The following PCDH15 variants were observed in gnomAD, a reference collection of about 807,000 sequenced individuals.
The protein encoded by PCDH15 is protocadherin related 15, also known as protocadherin-15.
PCDH15 carries 129 observed loss-of-function variants against 178.5 expected under a neutral mutation model. The ratio of observed to expected loss-of-function variants is 0.72; its 90% CI spans 0.63 to 0.84. The LOEUF is 0.84. Ranked by LOEUF, PCDH15 falls within the 40% of genes least tolerant of loss-of-function variation. PCDH15 has a pLI of 0.00. For synonymous variants in PCDH15, 800 were observed against 732.0 expected, an observed-to-expected ratio of 1.09 and a Z score of -1.50; for missense variants, 2,230 against 2,099.9, an observed-to-expected ratio of 1.06 and a Z score of -1.21.
chr10:54,726,809 C>A (rs1591310067), intron 1 of PCDH15, among the ~76,000 whole-genome samples: 1 of 150,256 alleles, frequency 6.7e-6, no homozygotes. Flanking sequence ...AATCTCAGAG[C>A]TCTAAGACTG....
chr10:54,995,378 C>T (rs1406374531), intron 2 of PCDH15, among the ~76,000 whole-genome samples: 29 of 115,938 alleles, frequency 2.5e-4, no homozygotes, highest in East Asian at 1.2e-3. Context: ...TACGACAGAG[C>T]GAGACTCCGT....
In PCDH15 at chr10:53,804,100, T is replaced by C. The variant is rs933306911; in HGVS notation, c.*2479A>G. The C allele has an allele frequency of 1.1e-4, 16 of 151,962 alleles. No individual in the cohort carries two copies. The highest frequency in any genetic ancestry group is 1.6e-4 in the Non-Finnish European group (11 of 67,878). 9.4% of individuals were successfully genotyped at this position (151,962 alleles called of 1,614,324 possible). A position where few individuals can be genotyped will look rare whatever the true frequency, so the allele number is the denominator to read the frequency against. ...TTTATTTAGTTAGTAATAATTTTGCTGCTCTACGTTACCCAAAAATATACT... is the reference window on the plus strand; with the variant it reads ...TTTATTTAGTTAGTAATAATTTTGCCGCTCTACGTTACCCAAAAATATACT... On this transcript the variant is annotated 3_prime_UTR_variant, in exon 38 of 38. Transcript: ENST00000644397.
intron 2 of PCDH15, among the ~76,000 whole-genome samples, chr10:55,402,703 A>G (rs745991123): frequency 2.6e-5 from 4 of 151,960 alleles, no homozygotes; most frequent in Non-Finnish European, 5.9e-5. Context: ...TAAACCATAT[A>G]TTGTTTTTCC....
At chr10:54,656,173 G>C (rs187168361) in intron 2 of PCDH15, 1 of 151,958 alleles carries the variant, frequency 6.6e-6, no homozygotes, top group Non-Finnish European at 1.5e-5. Context: ...GCTAGTTCTC[G>C]GAAAGATCAA....
chr10:54,233,025 C>A (rs571738278), intron 9 of PCDH15, among the ~76,000 whole-genome samples: 2 of 151,544 alleles, frequency 1.3e-5, no homozygotes, highest in East Asian at 3.9e-4. Flanking sequence ...AGCCCTGCAG[C>A]CTTGACTTCC....
intron 2 of PCDH15, among the ~76,000 whole-genome samples, chr10:55,477,787 T>G (rs893965406): frequency 5.9e-5 from 9 of 151,900 alleles, no homozygotes; most frequent in Non-Finnish European, 8.8e-5. Context: ...TTGATAAATA[T>G]CAGTAAACAA....
chr10:54,524,870 A>C (rs989199318), intron 3 of PCDH15, among the ~76,000 whole-genome samples: 7 of 152,226 alleles, frequency 4.6e-5, no homozygotes, highest in African/African-American at 1.7e-4. Flanking sequence ...TGTTCAGCCC[A>C]AGATGATGTA....
At chr10:53,887,988 C>T (rs890244122) in intron 26 of PCDH15, among the ~76,000 whole-genome samples, 3 of 151,886 alleles carry the variant, frequency 2.0e-5, no homozygotes, top group Non-Finnish European at 4.4e-5. Context: ...AGAAAACAGT[C>T]ATTAAAAACT....
chr10:55,182,436 C>CACA, intron 1 of PCDH15, among the ~76,000 whole-genome samples: 1 of 152,034 alleles, frequency 6.6e-6, no homozygotes, highest in East Asian at 1.9e-4. Context: ...TGGTTAATAA[C>CACA]ACAAACTCTA....
At chr10:54,149,345 G>A (rs2044287928) in intron 14 of PCDH15, among the ~76,000 whole-genome samples, 1 of 152,112 alleles carries the variant, frequency 6.6e-6, no homozygotes, top group Non-Finnish European at 1.5e-5. Context: ...GTAAATGGTA[G>A]TATGTAATAA....
At chr10:54,452,304 A>G (rs1212578799) in intron 3 of PCDH15, 2 of 152,006 alleles carry the variant, frequency 1.3e-5, no homozygotes, top group Admixed American at 1.3e-4. Flanking sequence ...TTGAGGTTAT[A>G]TATATATAAT....
At chr10:54,074,028 T>A (rs2094295396) in intron 17 of PCDH15, among the ~76,000 whole-genome samples, 2 of 152,180 alleles carry the variant, frequency 1.3e-5, no homozygotes, top group African/African-American at 4.8e-5. Flanking sequence ...CTGGCATTCA[T>A]CTTTATACTT....
At chr10:54,211,980 A>C (rs2051488227) in intron 10 of PCDH15, among the ~76,000 whole-genome samples, 1 of 80,086 alleles carries the variant, frequency 1.2e-5, no homozygotes, top group Admixed American at 1.2e-4. Context: ...AGAAAGTGCT[A>C]TTAAAACAAA....
intron 1 of PCDH15, among the ~76,000 whole-genome samples, chr10:55,202,884 T>C (rs1840294231): frequency 6.6e-6 from 1 of 152,164 alleles, no homozygotes; most frequent in South Asian, 2.1e-4. Flanking sequence ...TCCACCATAA[T>C]TGTGTGAGTT....
chr10:53,923,583 T>A (rs1362609129), intron 25 of PCDH15, among the ~76,000 whole-genome samples: 2 of 152,224 alleles, frequency 1.3e-5, no homozygotes, highest in Admixed American at 6.5e-5. Context: ...ATTGTGAAGA[T>A]AAAACCAAGA....
At chr10:55,293,934 G>T (rs1414265257) in intron 1 of PCDH15, among the ~76,000 whole-genome samples, 1 of 152,052 alleles carries the variant, frequency 6.6e-6, no homozygotes, top group Admixed American at 6.6e-5. Context: ...CTTTTCAGCA[G>T]CACCCACTTT....
intron 7 of PCDH15, among the ~76,000 whole-genome samples, chr10:54,329,029 A>C (rs1391322974): frequency 6.6e-6 from 1 of 151,948 alleles, no homozygotes; most frequent in African/African-American, 2.4e-5. Flanking sequence ...ATATGTTTGG[A>C]TGTCCTGTTA....
At chr10:54,616,400 C>T (rs2093156212) in intron 2 of PCDH15, among the ~76,000 whole-genome samples, 1 of 151,972 alleles carries the variant, frequency 6.6e-6, no homozygotes, top group Admixed American at 6.6e-5. Context: ...CATAGAACTG[C>T]TTCTTTGGAG....
At chr10:55,390,943 C>G (rs984003880) in intron 2 of PCDH15, among the ~76,000 whole-genome samples, 4 of 152,044 alleles carry the variant, frequency 2.6e-5, no homozygotes, top group African/African-American at 9.7e-5. Flanking sequence ...ACTTAAGGAC[C>G]CTGGATTTTC....
Sources: allele counts gnomAD v4.1 joint callset (sites outside exome capture counted in the v4.1 genomes callset), GRCh38; gene constraint gnomAD v4.1.1; transcripts MANE v1.5; gene names NCBI Gene and HGNC (gene_info 2026-07-23, HGNC 2026-07-21).